The following FAR2 variants were observed in gnomAD, a reference collection of about 807,000 sequenced individuals.
The protein encoded by FAR2 is fatty acyl-CoA reductase 2, also known as epididymis secretory protein Li 81.
Under a neutral mutation model 56.0 loss-of-function variants are expected in FAR2, and 19 were observed. That is an observed-to-expected ratio of 0.34 (90% confidence interval 0.24 to 0.50). The LOEUF (loss-of-function observed/expected upper bound fraction) is 0.50, where lower values mean the gene tolerates loss of function less well. Ranked by LOEUF, FAR2 falls within the 20% of genes least tolerant of loss-of-function variation. The pLI is 0.98. For missense variants in FAR2, 508 were observed against 642.2 expected (o/e 0.79, Z 2.26); for synonymous variants, 219 against 218.8 (o/e 1.00, Z -0.01).
intron 1 of FAR2, among the ~76,000 whole-genome samples, chr12:29,250,131 G>T (rs1390989708): frequency 6.9e-6 from 1 of 145,212 alleles, no homozygotes; most frequent in Non-Finnish European, 1.5e-5. Flanking sequence ...GCTGGTTAGT[G>T]TGTGACGGCT....
At chr12:29,184,080 T>G (rs1214615417) in intron 1 of FAR2, among the ~76,000 whole-genome samples, 1 of 152,186 alleles carries the variant, frequency 6.6e-6, no homozygotes, top group Non-Finnish European at 1.5e-5. Flanking sequence ...CCTTTAAAAT[T>G]ATTTATTTTG....
At chr12:29,220,125 C>T (rs1211027078) in intron 1 of FAR2, among the ~76,000 whole-genome samples, 1 of 152,150 alleles carries the variant, frequency 6.6e-6, no homozygotes, top group Non-Finnish European at 1.5e-5. Flanking sequence ...GGCACTAGAA[C>T]CCAGGGCTTT....
intron 2 of FAR2, among the ~76,000 whole-genome samples, chr12:29,283,396 G>A (rs933928099): frequency 1.3e-5 from 2 of 152,008 alleles, no homozygotes; most frequent in Admixed American, 6.6e-5. Context: ...GAAAAAATAA[G>A]AACAGTAATC....
intron 4 of FAR2, among the ~76,000 whole-genome samples, chr12:29,298,153 T>C (rs1453514060): frequency 6.6e-5 from 10 of 152,040 alleles, no homozygotes; most frequent in Non-Finnish European, 1.5e-5. Context: ...TGTCCTAGGA[T>C]GCAAGAGAAA....
intron 9 of FAR2, among the ~76,000 whole-genome samples, chr12:29,318,985 CTTTT>C (rs1261493272): frequency 6.7e-6 from 1 of 148,886 alleles, no homozygotes; most frequent in Non-Finnish European, 1.5e-5. Flanking sequence ...TTTTTTTTTT[CTTTT>C]TCTTTTTTCT....
At chr12:29,172,300 G>T (rs1233139211) in intron 1 of FAR2, among the ~76,000 whole-genome samples, 1 of 152,274 alleles carries the variant, frequency 6.6e-6, no homozygotes, top group Non-Finnish European at 1.5e-5. Flanking sequence ...CCTTCCAAGT[G>T]TTAAGTGACA....
chr12:29,307,954 C>T (rs563078558), intron 5 of FAR2, 119 bp downstream of exon 5: 117 of 1,105,084 alleles, frequency 1.1e-4, no homozygotes, highest in East Asian at 6.0e-4. Flanking sequence ...TGCAGCCAAT[C>T]GAATATGAAC....
At chr12:29,205,282 G>A (rs1289688774) in intron 1 of FAR2, among the ~76,000 whole-genome samples, 1 of 152,104 alleles carries the variant, frequency 6.6e-6, no homozygotes, top group Non-Finnish European at 1.5e-5. Context: ...GATTTTCAGA[G>A]GTATGGATAG....
rs1238929815 is a variant in FAR2, at chr12:29,270,624, A to G, written c.175A>G (p.Ile59Val). The change falls in exon 2 of 12, where the codon ATC (isoleucine) becomes GTC (valine). Residue 59 changes from isoleucine to valine, a missense_variant. Coordinates refer to ENST00000536681, the MANE Select transcript of FAR2 (RefSeq NM_001271783.2). ...GACACTGCAGCAGAGGGTTTTCCAG[A>G]TCCTAGACAGTAAGGTATGCCTTAT... The part of the protein sequence containing the change: ...GQTLQQRVFQ[I>V]LDSKLFEKVK... 6.2e-7 allele frequency: 1 copy of G among 1,611,976 alleles called. No individual in the cohort carries two copies. The highest frequency in any genetic ancestry group is 1.3e-5 in the African/African-American group (1 of 74,890).
chr12:29,180,721 T>TTATA (rs1555178463), intron 1 of FAR2, among the ~76,000 whole-genome samples: 1 of 146,478 alleles, frequency 6.8e-6, no homozygotes, highest in Non-Finnish European at 1.5e-5. Flanking sequence ...TATTCATTGT[T>TTATA]TATCTATCTA....
At chr12:29,154,584 A>C (rs1949710418) in intron 1 of FAR2, among the ~76,000 whole-genome samples, 1 of 151,850 alleles carries the variant, frequency 6.6e-6, no homozygotes, top group Non-Finnish European at 1.5e-5. Context: ...ATAGGCGCCC[A>C]CCACCACGCC....
chr12:29,192,701 T>C (rs1041988529), intron 1 of FAR2, among the ~76,000 whole-genome samples: 2 of 152,224 alleles, frequency 1.3e-5, no homozygotes, highest in African/African-American at 4.8e-5. Context: ...GTTTACAAAG[T>C]AGCTCAACAT....
intron 1 of FAR2, among the ~76,000 whole-genome samples, chr12:29,225,958 TG>T (rs1565478454): frequency 4.6e-5 from 7 of 152,234 alleles, no homozygotes; most frequent in Admixed American, 4.6e-4. Flanking sequence ...GGAGACTATA[TG>T]GCTCTGGAGA....
chr12:29,255,629 C>A (rs866021600), intron 1 of FAR2, among the ~76,000 whole-genome samples: 2 of 150,070 alleles, frequency 1.3e-5, no homozygotes, highest in Non-Finnish European at 3.0e-5. Flanking sequence ...CTTTTTTTTT[C>A]TTTTTCTTTT....
intron 2 of FAR2, among the ~76,000 whole-genome samples, chr12:29,287,970 G>A (rs1009304178): frequency 6.6e-6 from 1 of 152,098 alleles, no homozygotes; most frequent in Admixed American, 6.6e-5. Context: ...TACCCAAGGA[G>A]TTTATTTAAA....
chr12:29,168,465 A>G (rs1359999523), intron 1 of FAR2, among the ~76,000 whole-genome samples: 1 of 152,232 alleles, frequency 6.6e-6, no homozygotes, highest in Non-Finnish European at 1.5e-5. Flanking sequence ...ACAGGCTCAG[A>G]AAGAAATGAA....
intron 1 of FAR2, 143 bp from the exon 2 acceptor site, chr12:29,270,269 T>C: frequency 1.9e-6 from 1 of 530,628 alleles, no homozygotes; most frequent in Non-Finnish European, 3.3e-6. Context: ...TGAGTCGTAT[T>C]GCTTAAAAGC....
At chr12:29,273,631 G>A (rs1042014895) in intron 2 of FAR2, among the ~76,000 whole-genome samples, 1 of 152,244 alleles carries the variant, frequency 6.6e-6, no homozygotes, top group Non-Finnish European at 1.5e-5. Flanking sequence ...CTCCCCCAAG[G>A]AGCTCAAATG....
chr12:29,295,954 G>C (rs138865080), intron 3 of FAR2, among the ~76,000 whole-genome samples: 1 of 150,718 alleles, frequency 6.6e-6, no homozygotes, highest in Non-Finnish European at 1.5e-5. Flanking sequence ...ATTTTTAGTA[G>C]AGACGGGGTT....
Sources: gnomAD v4.1 joint callset for allele counts (sites outside exome capture counted in the v4.1 genomes callset) on GRCh38, gnomAD v4.1.1 for gene constraint, MANE v1.5 for transcripts, NCBI Gene and HGNC (gene_info 2026-07-23, HGNC 2026-07-21) for gene names.